Variants in NRG3 observed in about 807,000 individuals in gnomAD.
NRG3 encodes the protein neuregulin 3.
A neutral mutation model predicts 66.9 loss-of-function variants in NRG3; 31 were observed. The observed-to-expected ratio is 0.46, with a 90% CI of 0.35 to 0.63. The LOEUF (loss-of-function observed/expected upper bound fraction) is 0.63. Among genes scored for constraint, NRG3 ranks in the 20% least tolerant of loss-of-function variants. The pLI is 0.00. For synonymous variants in NRG3, 393 were observed against 359.4 expected, an observed-to-expected ratio of 1.09 and a Z score of -1.06; for missense variants, 910 against 878.9, an observed-to-expected ratio of 1.04 and a Z score of -0.45.
At chr10:81,883,041 A>G (rs1161748343) in intron 1 of NRG3, among the ~76,000 whole-genome samples, 1 of 152,200 alleles carries the variant, frequency 6.6e-6, no homozygotes, top group Admixed American at 6.5e-5. Context: ...TTGATAAAGC[A>G]AAATATGTCC....
intron 1 of NRG3, among the ~76,000 whole-genome samples, chr10:81,953,706 C>T (rs774933467): frequency 1.3e-5 from 2 of 152,134 alleles, no homozygotes; most frequent in Non-Finnish European, 2.9e-5. Flanking sequence ...TAATTCTGCT[C>T]TAGTGGTCAT....
intron 1 of NRG3, among the ~76,000 whole-genome samples, chr10:82,342,348 G>A (rs1325033215): frequency 2.0e-5 from 3 of 151,984 alleles, no homozygotes; most frequent in African/African-American, 7.2e-5. Context: ...TCTCCATACT[G>A]TTTTCCATAA....
intron 4 of NRG3, among the ~76,000 whole-genome samples, chr10:82,929,896 AAG>A (rs1328556600): frequency 6.6e-6 from 1 of 151,884 alleles, no homozygotes; most frequent in Non-Finnish European, 1.5e-5. Context: ...AAAAAGGAAA[AAG>A]AAAAAAAATG....
intron 2 of NRG3, among the ~76,000 whole-genome samples, chr10:82,626,223 T>C (rs1490751099): frequency 1.3e-5 from 2 of 152,186 alleles, no homozygotes; most frequent in Non-Finnish European, 2.9e-5. Flanking sequence ...CAATTAATAC[T>C]TGTCAATTTA....
intron 3 of NRG3, among the ~76,000 whole-genome samples, chr10:82,741,061 C>T (rs929733774): frequency 6.6e-6 from 1 of 151,930 alleles, no homozygotes. Context: ...TGCCAGAATC[C>T]TTGAAATTTA....
intron 1 of NRG3, among the ~76,000 whole-genome samples, chr10:81,984,880 G>A (rs1256040840): frequency 6.6e-6 from 1 of 152,140 alleles, no homozygotes. Context: ...TATAAAATAT[G>A]TGCTAATAAC....
Position 82,985,459 on chromosome 10 carries a change from G to T in NRG3, c.1945G>T (p.Asp649Tyr), listed in dbSNP as rs768634825. Residue 649 changes from aspartate (D) to tyrosine (Y), a missense_variant, in exon 9 of 9, where the codon GAC becomes TAC. Transcript: ENST00000372141. ...TCTGACTGATGCCAGACGGTCAGAA[G>T]ACTACGAACTGGCCAGCGTAGAAAC... ...RILTDARRSE[D>Y]YELASVETED... 6.2e-7 allele frequency: 1 copy of T among 1,614,088 alleles called. No individual in the cohort carries two copies. The highest frequency in any genetic ancestry group is 8.5e-7 in the Non-Finnish European group (1 of 1,180,002).
intron 4 of NRG3, among the ~76,000 whole-genome samples, chr10:82,874,112 T>C (rs1177930729): frequency 6.6e-6 from 1 of 152,162 alleles, no homozygotes; most frequent in Non-Finnish European, 1.5e-5. Context: ...GATAGAATAT[T>C]ACTTCAAACT....
chr10:82,628,312 T>G lies in NRG3; in HGVS notation c.954-110265T>G, dbSNP rs564286950. Among the ~76,000 whole-genome samples the G allele has an allele frequency of 2.6e-5, 4 of 152,330 alleles. No homozygotes were observed. In the South Asian group the frequency reaches 8.3e-4, roughly 32 times the overall value. On this transcript the variant is annotated intron_variant, in intron 2 of 8. Coordinates refer to ENST00000372141, the MANE Select transcript of NRG3 (RefSeq NM_001010848.4). ...ACAAAGCTGTTCAGGAGACGTTATT[T>G]TTTTAATCATTCTCTAGCATATTTT...
intron 1 of NRG3, among the ~76,000 whole-genome samples, chr10:82,053,066 A>G (rs188584356): frequency 3.8e-4 from 58 of 152,042 alleles, no homozygotes; most frequent in African/African-American, 1.2e-3. Context: ...TATTCATCAA[A>G]TGTTTTAGGT....
chr10:82,823,578 A>T (rs1781109262), intron 3 of NRG3, among the ~76,000 whole-genome samples: 1 of 152,118 alleles, frequency 6.6e-6, no homozygotes, highest in African/African-American at 2.4e-5. Context: ...TAAGGCACTG[A>T]TTCTCCCAGC....
intron 3 of NRG3, chr10:82,843,265 G>A (rs948635165): frequency 1.5e-5 from 7 of 454,494 alleles, no homozygotes; most frequent in Non-Finnish European, 3.1e-5. Context: ...TGTCATGAGG[G>A]TTACACCCAC....
chr10:82,389,023 G>C (rs1020922505), intron 2 of NRG3, among the ~76,000 whole-genome samples: 2 of 152,190 alleles, frequency 1.3e-5, no homozygotes, highest in East Asian at 3.8e-4. Context: ...CTGGGGAATA[G>C]AGAGGAGAAA....
intron 3 of NRG3, among the ~76,000 whole-genome samples, chr10:82,754,997 ATCT>A (rs1312726368): frequency 6.6e-6 from 1 of 152,128 alleles, no homozygotes; most frequent in Non-Finnish European, 1.5e-5. Flanking sequence ...GAACACTGAC[ATCT>A]TCTTTGTGCC....
intron 2 of NRG3, among the ~76,000 whole-genome samples, chr10:82,361,262 A>G (rs1406131551): frequency 6.6e-6 from 1 of 152,170 alleles, no homozygotes; most frequent in Admixed American, 6.5e-5. Flanking sequence ...TTTCTTGCAT[A>G]TTTCAGTACA....
At chr10:82,376,728 C>G (rs377536843) in intron 2 of NRG3, among the ~76,000 whole-genome samples, 134 of 152,298 alleles carry the variant, frequency 8.8e-4, no homozygotes, top group Middle Eastern at 6.8e-3. Context: ...GGTCACCATA[C>G]CCATGTTTAG....
intron 1 of NRG3, among the ~76,000 whole-genome samples, chr10:82,355,607 G>GAA (rs76719788): frequency 6.6e-5 from 10 of 151,996 alleles, no homozygotes; most frequent in African/African-American, 2.4e-4. Flanking sequence ...ATTTAGTCAA[G>GAA]AAAAATCTAA....
At chr10:82,560,867 T>A (rs2044994301) in intron 2 of NRG3, among the ~76,000 whole-genome samples, 1 of 151,942 alleles carries the variant, frequency 6.6e-6, no homozygotes, top group African/African-American at 2.4e-5. Flanking sequence ...TATATGACTC[T>A]TTTTCTGTTA....
chr10:82,001,534 CG>C (rs1342598949), intron 1 of NRG3, among the ~76,000 whole-genome samples: 2 of 149,662 alleles, frequency 1.3e-5, no homozygotes, highest in African/African-American at 2.5e-5. Flanking sequence ...AAAGGGGAAA[CG>C]AGGAAAGAAG....
Sources: gnomAD v4.1 joint callset for allele counts (sites outside exome capture counted in the v4.1 genomes callset) on GRCh38, gnomAD v4.1.1 for gene constraint, MANE v1.5 for transcripts, NCBI Gene and HGNC (gene_info 2026-07-23, HGNC 2026-07-21) for gene names.